The following SRGAP2B variants were observed in gnomAD, a reference collection of about 807,000 sequenced individuals.
SRGAP2B encodes SLIT-ROBO Rho GTPase-activating protein 2B.
Under a neutral mutation model 22.2 loss-of-function variants are expected in SRGAP2B, and 9 were observed. That is an observed-to-expected ratio of 0.41 (90% confidence interval 0.24 to 0.71). The LOEUF (loss-of-function observed/expected upper bound fraction) is 0.71, where lower values mean the gene tolerates loss of function less well. Among genes scored for constraint, SRGAP2B ranks in the 30% least tolerant of loss-of-function variants. SRGAP2B has a pLI of 0.35. For missense variants in SRGAP2B, 114 were observed against 235.8 expected (o/e 0.48, Z 3.38); for synonymous variants, 36 against 87.4 (o/e 0.41, Z 3.28).
rs587714088 is a variant in SRGAP2B, at chr1:145,031,998, T to C, written c.68-36798A>G. ...GTTCTCCAAGATCTTGGCTCCATAA[T>C]ATCCTGCTGCTTTGTTAGCTCTCCA... is the stretch of plus-strand genomic sequence containing the variant. On this transcript the variant is annotated intron_variant, in intron 2 of 9. Coordinates refer to ENST00000612199, the Ensembl canonical transcript of SRGAP2B. 8.7e-5 allele frequency among the ~76,000 whole-genome samples: 13 copies of C among 149,708 alleles called. No individual in the cohort carries two copies. The South Asian group carries it at 2.3e-3, about 27-fold the overall frequency.
At chr1:144,993,022 G>C (rs1553617692) in intron 3 of SRGAP2B, among the ~76,000 whole-genome samples, 1 of 151,614 alleles carries the variant, frequency 6.6e-6, no homozygotes, top group African/African-American at 2.4e-5. Flanking sequence ...AAGTTTCCTG[G>C]AACAGGGAGC....
chr1:145,036,370 A>T (rs1486421770), intron 2 of SRGAP2B, among the ~76,000 whole-genome samples: 2 of 144,558 alleles, frequency 1.4e-5, no homozygotes, highest in Non-Finnish European at 3.0e-5. Flanking sequence ...AGAAGTACCA[A>T]TCTCCTCATG....
intron 3 of SRGAP2B, among the ~76,000 whole-genome samples, chr1:144,973,432 A>AGGAG (rs879975363): frequency 1.2e-3 from 138 of 114,618 alleles, no homozygotes; most frequent in Middle Eastern, 7.4e-3. Context: ...AAAGAAGAGA[A>AGGAG]GGAGGGAGGG....
In SRGAP2B at chr1:144,981,022, T is replaced by C. The variant is rs1360466544; in HGVS notation, c.260+13986A>G. ...TTCCTGTGCACATGTGTTCTTATTA[T>C]TCTCTCTCAGCCTGCCCGATTTCCC... On this transcript the variant is annotated intron_variant, in intron 3 of 9. Transcript: ENST00000612199. Among the ~76,000 whole-genome samples, 3 of 147,922 alleles carry C rather than the reference T, an allele frequency of 2.0e-5. No individual in the cohort carries two copies. The East Asian group carries it at 6.0e-4, about 30-fold the overall frequency.
At chr1:145,027,011 ATT>A (rs4058418) in intron 2 of SRGAP2B, among the ~76,000 whole-genome samples, 32 of 66,856 alleles carry the variant, frequency 4.8e-4, no homozygotes, top group African/African-American at 1.6e-3. Flanking sequence ...GCTTTTTTTA[ATT>A]TTTTTTTTTT....
chr1:144,930,894 C>T (rs1307466815), intron 4 of SRGAP2B, among the ~76,000 whole-genome samples: 1 of 149,396 alleles, frequency 6.7e-6, no homozygotes, highest in Non-Finnish European at 1.5e-5. Context: ...TTTATCATTT[C>T]CCTATGAGTA....
Position 145,044,688 on chromosome 1 carries a change from A to C in SRGAP2B, c.67+48147T>G, listed in dbSNP as rs1414021465. ...AAAAAAAAAAAAAAAAAAAAAAAAAAAAAAAAAAAAAACAGAAAAAGCAAG... is the reference window on the plus strand; with the variant it reads ...AAAAAAAAAAAAAAAAAAAAAAAAACAAAAAAAAAAAACAGAAAAAGCAAG... On this transcript the variant is annotated intron_variant, in intron 2 of 9. Transcript: ENST00000612199. Among the ~76,000 whole-genome samples the C allele has an allele frequency of 2.8e-3, 373 of 132,036 alleles. 1 individual carries two copies. Among genetic ancestry groups the C allele is most frequent in the African/African-American group, 0.01 (342 of 34,154 alleles). The allele number at this position is 132,036 out of a possible 152,430, so 86.6% of individuals were successfully genotyped here.
intron 4 of SRGAP2B, among the ~76,000 whole-genome samples, chr1:144,950,996 T>A: frequency 6.7e-6 from 1 of 149,230 alleles, no homozygotes; most frequent in East Asian, 2.0e-4. Context: ...TTACAGGCAC[T>A]GGCCATCTTG....
At chr1:144,922,554 C>T (rs1553604446) in intron 4 of SRGAP2B, among the ~76,000 whole-genome samples, 1 of 150,548 alleles carries the variant, frequency 6.6e-6, no homozygotes, top group African/African-American at 2.5e-5. Flanking sequence ...CAAAACGAAA[C>T]AAAGAAAGAT....
intron 2 of SRGAP2B, among the ~76,000 whole-genome samples, chr1:145,014,147 AC>A (rs1553622707): frequency 6.9e-6 from 1 of 145,650 alleles, no homozygotes; most frequent in East Asian, 2.0e-4. Flanking sequence ...ACAAAACAAT[AC>A]AAAAATTAGC....
intron 4 of SRGAP2B, among the ~76,000 whole-genome samples, chr1:144,929,360 A>G (rs1441443154): frequency 1.3e-5 from 2 of 149,474 alleles, no homozygotes; most frequent in Non-Finnish European, 2.9e-5. Flanking sequence ...CTTTGGTGTC[A>G]TATGTAAGAA....
chr1:144,965,527 T>A (rs6600678), intron 3 of SRGAP2B, among the ~76,000 whole-genome samples: 3,376 of 138,656 alleles, frequency 0.024, 166 homozygotes, highest in African/African-American at 0.09. Context: ...AGAGAAAACC[T>A]CAAAGATGGG....
At chr1:144,997,441 CA>C (rs1402694115) in intron 2 of SRGAP2B, among the ~76,000 whole-genome samples, 5 of 149,312 alleles carry the variant, frequency 3.3e-5, no homozygotes, top group Admixed American at 3.3e-4. Flanking sequence ...AAACAAACAA[CA>C]AAAAAAAGAA....
chr1:144,923,339 G>T (rs1553347677), intron 4 of SRGAP2B, among the ~76,000 whole-genome samples: 14 of 150,558 alleles, frequency 9.3e-5, no homozygotes. Flanking sequence ...TTGGCTGGGG[G>T]CGTAATGTCT....
At chr1:144,957,967 T>C (rs1320754732) in intron 3 of SRGAP2B, among the ~76,000 whole-genome samples, 1 of 149,886 alleles carries the variant, frequency 6.7e-6, no homozygotes, top group Non-Finnish European at 1.5e-5. Flanking sequence ...TCTTTCCCTA[T>C]AGCACTTTAC....
At chr1:145,089,221 G>C (rs1324848906) in intron 2 of SRGAP2B, among the ~76,000 whole-genome samples, 1 of 150,768 alleles carries the variant, frequency 6.6e-6, no homozygotes, top group Non-Finnish European at 1.5e-5. Context: ...AAATTGGAAA[G>C]AGCTATGTAA....
intron 1 of SRGAP2B, among the ~76,000 whole-genome samples, chr1:145,093,857 G>A (rs1654194414): frequency 6.9e-6 from 1 of 144,206 alleles, no homozygotes; most frequent in Admixed American, 6.8e-5. Context: ...GCCGGGGAGG[G>A]ACAAGCCACC....
intron 3 of SRGAP2B, among the ~76,000 whole-genome samples, chr1:144,975,974 C>T (rs1174935483): frequency 2.7e-5 from 4 of 148,448 alleles, no homozygotes; most frequent in African/African-American, 7.7e-5. Context: ...CCCAGGTTCA[C>T]CCCATTCTCC....
chr1:144,973,114 A>C (rs1451614114), intron 3 of SRGAP2B, among the ~76,000 whole-genome samples: 1 of 148,360 alleles, frequency 6.7e-6, no homozygotes, highest in Non-Finnish European at 1.5e-5. Flanking sequence ...TCTCAACAAA[A>C]AAAAGAATAA....
Sources: allele counts gnomAD v4.1 joint callset (sites outside exome capture counted in the v4.1 genomes callset), GRCh38; gene constraint gnomAD v4.1.1; transcripts MANE v1.5; gene names NCBI Gene and HGNC (gene_info 2026-07-23, HGNC 2026-07-21).